Variants in CDH12 observed in about 807,000 individuals in gnomAD.
The protein encoded by CDH12 is cadherin 12, also known as cadherin-12.
Under a neutral mutation model 74.1 loss-of-function variants are expected in CDH12, and 41 were observed. The ratio of observed to expected loss-of-function variants is 0.55; its 90% CI spans 0.43 to 0.72. The LOEUF is 0.72. Ranked by LOEUF, CDH12 falls within the 30% of genes least tolerant of loss-of-function variation. The pLI is 0.00. For missense variants in CDH12, 945 were observed against 977.2 expected, an observed-to-expected ratio of 0.97 and a Z score of 0.44; for synonymous variants, 399 against 355.0, an observed-to-expected ratio of 1.12 and a Z score of -1.39.
chr5:22,075,204 G>C (rs527782698), intron 5 of CDH12, among the ~76,000 whole-genome samples: 3 of 150,062 alleles, frequency 2.0e-5, no homozygotes, highest in African/African-American at 4.9e-5. Flanking sequence ...GCAAACTATC[G>C]CAAGGACAAA....
intron 2 of CDH12, among the ~76,000 whole-genome samples, chr5:22,442,833 T>A (rs2126544606): frequency 6.6e-6 from 1 of 152,214 alleles, no homozygotes; most frequent in Non-Finnish European, 1.5e-5. Context: ...GTTTAAAGAG[T>A]ACTTCTGGTT....
At chr5:22,256,713 A>C (rs190548813) in intron 3 of CDH12, among the ~76,000 whole-genome samples, 1 of 152,248 alleles carries the variant, frequency 6.6e-6, no homozygotes. Flanking sequence ...TGATATTGAT[A>C]ATCTTGACCC....
chr5:22,471,957 C>T (rs1379583011), intron 2 of CDH12, among the ~76,000 whole-genome samples: 1 of 151,934 alleles, frequency 6.6e-6, no homozygotes, highest in Non-Finnish European at 1.5e-5. Flanking sequence ...AGAAAAGGCA[C>T]CTGAAGATTT....
chr5:22,431,293 T>C (rs533099956), intron 2 of CDH12, among the ~76,000 whole-genome samples: 77 of 152,298 alleles, frequency 5.1e-4, no homozygotes, highest in African/African-American at 1.8e-3. Context: ...GACAGTCCTA[T>C]ACGTTTATGA....
chr5:22,486,398 G>A (rs944557468), intron 2 of CDH12, among the ~76,000 whole-genome samples: 4 of 151,562 alleles, frequency 2.6e-5, no homozygotes, highest in Non-Finnish European at 5.9e-5. Context: ...AGTAGAAATA[G>A]GCTTTGAATT....
At chr5:22,379,662 C>A (rs1196645010) in intron 3 of CDH12, among the ~76,000 whole-genome samples, 1 of 152,130 alleles carries the variant, frequency 6.6e-6, no homozygotes, top group East Asian at 1.9e-4. Flanking sequence ...GATAATAAAA[C>A]CCTCCCAGAG....
chr5:22,578,386 T>TG (rs57496264), intron 1 of CDH12, among the ~76,000 whole-genome samples: 3,208 of 145,266 alleles, frequency 0.022, 100 homozygotes, highest in African/African-American at 0.068. Flanking sequence ...TTTGTGTGTG[T>TG]GGGGGGGGGG....
chr5:22,351,576 C>T (rs1174116153), intron 3 of CDH12, among the ~76,000 whole-genome samples: 2 of 152,114 alleles, frequency 1.3e-5, no homozygotes, highest in Admixed American at 6.6e-5. Context: ...TAACGAGATG[C>T]TATTATAGTT....
intron 2 of CDH12, among the ~76,000 whole-genome samples, chr5:22,483,616 T>C (rs1466637589): frequency 6.6e-6 from 1 of 150,384 alleles, no homozygotes; most frequent in Non-Finnish European, 1.5e-5. Context: ...TGTGAATATC[T>C]GCTGGAAAAA....
intron 1 of CDH12, among the ~76,000 whole-genome samples, chr5:22,764,373 T>G (rs1746390346): frequency 6.6e-6 from 1 of 151,966 alleles, no homozygotes; most frequent in Non-Finnish European, 1.5e-5. Context: ...GTAGTTAAAT[T>G]CAATTGTTGT....
intron 1 of CDH12, among the ~76,000 whole-genome samples, chr5:22,710,749 T>C (rs269027): frequency 0.074 from 11,312 of 152,158 alleles, 858 homozygotes; most frequent in African/African-American, 0.19. Context: ...TTGCTTATTC[T>C]AGTTGACAGC....
At chr5:22,356,369 C>T (rs1740563226) in intron 3 of CDH12, among the ~76,000 whole-genome samples, 1 of 152,088 alleles carries the variant, frequency 6.6e-6, no homozygotes, top group African/African-American at 2.4e-5. Flanking sequence ...TCAAAGCCAA[C>T]CATGTTGTCA....
intron 3 of CDH12, among the ~76,000 whole-genome samples, chr5:22,285,994 A>G (rs987973357): frequency 1.3e-5 from 2 of 151,946 alleles, no homozygotes; most frequent in Non-Finnish European, 2.9e-5. Flanking sequence ...CTTTATAATT[A>G]TTTTTATCAA....
intron 1 of CDH12, among the ~76,000 whole-genome samples, chr5:22,773,649 G>T (rs999321732): frequency 6.6e-6 from 1 of 151,782 alleles, no homozygotes; most frequent in African/African-American, 2.4e-5. Context: ...TAGACAAGTG[G>T]GACCTAAACT....
chr5:22,027,898 T>A (rs987350007), intron 5 of CDH12, among the ~76,000 whole-genome samples: 1 of 152,158 alleles, frequency 6.6e-6, no homozygotes, highest in Non-Finnish European at 1.5e-5. Flanking sequence ...TTCTTTTAAT[T>A]GTGATTTTAG....
At chr5:22,506,842 A>G (rs1736406207) in intron 1 of CDH12, among the ~76,000 whole-genome samples, 1 of 152,016 alleles carries the variant, frequency 6.6e-6, no homozygotes, top group South Asian at 2.1e-4. Context: ...GATAACTTCA[A>G]CTCCAGCTTC....
intron 6 of CDH12, among the ~76,000 whole-genome samples, chr5:21,945,258 C>G (rs11744168): frequency 6.6e-6 from 1 of 151,586 alleles, no homozygotes; most frequent in African/African-American, 2.4e-5. Context: ...AACCCCGCCT[C>G]TACTAAAAAT....
intron 1 of CDH12, among the ~76,000 whole-genome samples, chr5:22,696,277 A>C (rs1742356658): frequency 6.7e-6 from 1 of 148,698 alleles, no homozygotes; most frequent in African/African-American, 2.5e-5. Context: ...AGGCTAAGGC[A>C]GGAGAATGGG....
At chr5:21,904,713 A>T (rs1022321203) in intron 6 of CDH12, among the ~76,000 whole-genome samples, 3 of 152,168 alleles carry the variant, frequency 2.0e-5, no homozygotes, top group Non-Finnish European at 4.4e-5. Flanking sequence ...CCAAGAGTTC[A>T]GCCTGCAATG....
Sources: allele counts gnomAD v4.1 joint callset (sites outside exome capture counted in the v4.1 genomes callset), GRCh38; gene constraint gnomAD v4.1.1; transcripts MANE v1.5; gene names NCBI Gene and HGNC (gene_info 2026-07-23, HGNC 2026-07-21).